SDK1: variants seen among roughly 807,000 people sequenced by gnomAD.
SDK1 encodes protein sidekick-1.
SDK1 carries 157 observed loss-of-function variants against 245.5 expected under a neutral mutation model. The ratio of observed to expected loss-of-function variants is 0.64; its 90% CI spans 0.56 to 0.73. The LOEUF (loss-of-function observed/expected upper bound fraction) is 0.73. Ranked by LOEUF, SDK1 falls within the 30% of genes least tolerant of loss-of-function variation. SDK1 has a pLI of 0.00. For missense variants in SDK1, 3,583 were observed against 3,002.3 expected (o/e 1.19, Z -4.52); for synonymous variants, 1,647 against 1,278.5 (o/e 1.29, Z -6.15).
chr7:4,135,584 C>T (rs559006771), intron 28 of SDK1, among the ~76,000 whole-genome samples: 16 of 152,358 alleles, frequency 1.1e-4, no homozygotes, highest in African/African-American at 3.6e-4. Context: ...AGTAGGCCGG[C>T]AGCCTGGGTA....
At chr7:3,771,667 A>G (rs1377682676) in intron 4 of SDK1, among the ~76,000 whole-genome samples, 1 of 152,100 alleles carries the variant, frequency 6.6e-6, no homozygotes, top group African/African-American at 2.4e-5. Flanking sequence ...TTTCCAGATT[A>G]TTTCTTGACA....
In SDK1 at chr7:4,015,723, A is replaced by G. The variant is rs147462845; in HGVS notation, c.2421-1448A>G. Among the ~76,000 whole-genome samples, 26 of 152,284 alleles carry G rather than the reference A, an allele frequency of 1.7e-4. No homozygotes were observed. In the East Asian group the frequency reaches 4.8e-3, roughly 28 times the overall value. On this transcript the variant is annotated intron_variant, in intron 16 of 44. Transcript: ENST00000404826. ...TTTCATTTTTGCCCATCACGGAATA[A>G]CGCTGTCCCTTCCCTGAGTCTCCCA... is the stretch of plus-strand genomic sequence containing the variant.
At chr7:4,246,639 T>G (rs531448634) in intron 44 of SDK1, among the ~76,000 whole-genome samples, 4 of 152,228 alleles carry the variant, frequency 2.6e-5, no homozygotes, top group African/African-American at 9.6e-5. Flanking sequence ...TCCCTTGCGC[T>G]GAAGAAGAGG....
chr7:3,680,207 C>G (rs61567214), intron 4 of SDK1, among the ~76,000 whole-genome samples: 2 of 152,118 alleles, frequency 1.3e-5, no homozygotes, highest in Admixed American at 1.3e-4. Flanking sequence ...AGGCTTTAGA[C>G]TGTGTGAGTC....
chr7:4,193,283 C>A, intron 35 of SDK1, among the ~76,000 whole-genome samples: 1 of 127,740 alleles, frequency 7.8e-6, no homozygotes, highest in Non-Finnish European at 1.6e-5. Context: ...ATATAAAATA[C>A]ATATAAAATT....
At position 3,967,419 on chromosome 7, in the gene SDK1, A is replaced by G. The variant is rs773864936; in HGVS notation, c.1531A>G (p.Ile511Val). Residue 511 changes from isoleucine to valine, a missense_variant, in exon 10 of 45, where the codon ATC (isoleucine) becomes GTC (valine). Ile to Val is a conservative substitution (Grantham distance 29, BLOSUM62 3). Coordinates refer to ENST00000404826, the MANE Select transcript of SDK1 (RefSeq NM_152744.4). ...GGTGTCCGGGGCTCCCAAACCCGCC[A>G]TCACCTGGAAAAGAGGTGGGTAGCA... Reference protein sequence around the residue: ...CEVSGAPKPAITWKRENHILA... With the variant: ...CEVSGAPKPAVTWKRENHILA... 3.7e-6 allele frequency: 6 copies of G among 1,612,446 alleles called. No homozygotes were observed. In the South Asian group the frequency reaches 5.5e-5, roughly 15 times the overall value.
chr7:3,344,869 A>G (rs1191352216), intron 1 of SDK1, among the ~76,000 whole-genome samples: 1 of 152,200 alleles, frequency 6.6e-6, no homozygotes, highest in Non-Finnish European at 1.5e-5. Context: ...TAATGACATG[A>G]TTACTGCCAG....
chr7:3,302,514 T>A (rs1184455876), intron 1 of SDK1: 1 of 152,060 alleles, frequency 6.6e-6, no homozygotes, highest in African/African-American at 2.4e-5. Flanking sequence ...AGCTCTGAAA[T>A]AGGGAAAGAG....
At chr7:4,074,997 C>G (rs750345168) in intron 20 of SDK1, among the ~76,000 whole-genome samples, 2 of 149,670 alleles carry the variant, frequency 1.3e-5, no homozygotes, top group Non-Finnish European at 3.0e-5. Context: ...TCGGCCTTCT[C>G]CCCTCTCCCT....
chr7:3,779,938 C>CAAAAAAAA (rs34979965), intron 4 of SDK1, among the ~76,000 whole-genome samples: 1 of 46,662 alleles, frequency 2.1e-5, no homozygotes, highest in Admixed American at 2.0e-4. Context: ...GACTCCGTCT[C>CAAAAAAAA]AAAAAAAAAA....
Position 3,463,823 on chromosome 7 carries a change from G to A in SDK1, c.299-155257G>A, listed in dbSNP as rs186375519. 1.0e-3 allele frequency among the ~76,000 whole-genome samples: 153 copies of A among 152,274 alleles called. 1 individual carries two copies. Among genetic ancestry groups the A allele is most frequent in the African/African-American group, 3.5e-3 (145 of 41,568 alleles). ...CATGTTCCCTCCAGGACAGGCCATA[G>A]GAGGAGGGTCTAATGCAATGGTGAC... On this transcript the variant is annotated intron_variant, in intron 1 of 44. Coordinates refer to ENST00000404826, the MANE Select transcript of SDK1 (RefSeq NM_152744.4).
intron 5 of SDK1, among the ~76,000 whole-genome samples, chr7:3,830,428 T>G (rs1779885259): frequency 6.6e-6 from 1 of 152,198 alleles, no homozygotes; most frequent in Non-Finnish European, 1.5e-5. Flanking sequence ...ATTCAGATAT[T>G]TAAGCATAAG....
intron 5 of SDK1, among the ~76,000 whole-genome samples, chr7:3,890,588 G>T (rs1258219184): frequency 4.6e-5 from 7 of 152,110 alleles, no homozygotes; most frequent in African/African-American, 1.7e-4. Context: ...GTCTCTATGG[G>T]TAACATTGGG....
At chr7:3,594,925 G>C (rs774875784) in intron 1 of SDK1, among the ~76,000 whole-genome samples, 1 of 152,196 alleles carries the variant, frequency 6.6e-6, no homozygotes, top group African/African-American at 2.4e-5. Context: ...CATCATTAAT[G>C]TATAGGGTTT....
intron 1 of SDK1, among the ~76,000 whole-genome samples, chr7:3,304,448 C>A (rs1420810989): frequency 1.3e-5 from 2 of 152,208 alleles, no homozygotes; most frequent in African/African-American, 4.8e-5. Context: ...GGACTCTTTA[C>A]AGGCTTACTG....
intron 33 of SDK1, among the ~76,000 whole-genome samples, chr7:4,174,966 C>G (rs1030784871): frequency 2.6e-5 from 4 of 152,210 alleles, no homozygotes; most frequent in African/African-American, 9.7e-5. Flanking sequence ...CAAAAATACT[C>G]TTTGCCCCTT....
At chr7:4,092,296 C>G (rs891292117) in intron 22 of SDK1, among the ~76,000 whole-genome samples, 1 of 152,190 alleles carries the variant, frequency 6.6e-6, no homozygotes, top group South Asian at 2.1e-4. Flanking sequence ...CCCAGCCTCC[C>G]TCTGTGCTCG....
At chr7:3,859,674 C>G (rs1350308667) in intron 5 of SDK1, among the ~76,000 whole-genome samples, 1 of 152,136 alleles carries the variant, frequency 6.6e-6, no homozygotes, top group Non-Finnish European at 1.5e-5. Context: ...GGCCAACTTC[C>G]ATTACCATCC....
intron 4 of SDK1, among the ~76,000 whole-genome samples, chr7:3,648,061 T>C (rs1458272153): frequency 6.6e-6 from 1 of 152,214 alleles, no homozygotes; most frequent in Non-Finnish European, 1.5e-5. Context: ...ATTTACTGAG[T>C]CCAAAGTTTG....
Sources: gnomAD v4.1 joint callset for allele counts (sites outside exome capture counted in the v4.1 genomes callset) on GRCh38, gnomAD v4.1.1 for gene constraint, MANE v1.5 for transcripts, NCBI Gene and HGNC (gene_info 2026-07-23, HGNC 2026-07-21) for gene names.